TCF7L2: variants seen among roughly 807,000 people sequenced by gnomAD.
TCF7L2 encodes the protein transcription factor 7-like 2.
Under a neutral mutation model 77.9 loss-of-function variants are expected in TCF7L2, and 23 were observed. The observed-to-expected ratio is 0.30, with a 90% CI of 0.21 to 0.42. The LOEUF is 0.42. TCF7L2 is among the 10% of genes least tolerant of loss of function. The pLI is 1.00. For missense variants in TCF7L2, 654 were observed against 793.1 expected, an observed-to-expected ratio of 0.82 and a Z score of 2.11; for synonymous variants, 413 against 340.2, an observed-to-expected ratio of 1.21 and a Z score of -2.36.
intron 5 of TCF7L2, among the ~76,000 whole-genome samples, chr10:113,103,062 A>C (rs1408688436): frequency 6.6e-6 from 1 of 152,192 alleles, no homozygotes; most frequent in Admixed American, 6.5e-5. Context: ...CTCATTTTAT[A>C]GAGAGGAAAC....
chr10:113,090,385 C>G (rs1356106616), intron 5 of TCF7L2, among the ~76,000 whole-genome samples: 2 of 152,158 alleles, frequency 1.3e-5, no homozygotes, highest in Non-Finnish European at 2.9e-5. Flanking sequence ...GGGTGCTGTG[C>G]TATGTGTTAC....
chr10:113,038,670 C>T (rs2051832747), intron 4 of TCF7L2, among the ~76,000 whole-genome samples: 2 of 152,088 alleles, frequency 1.3e-5, no homozygotes, highest in Admixed American at 6.5e-5. Flanking sequence ...TCTGTGCAGC[C>T]TTCCCCAGTC....
chr10:113,102,416 GTTGT>G (rs932893018), intron 5 of TCF7L2, among the ~76,000 whole-genome samples: 8 of 149,432 alleles, frequency 5.4e-5, no homozygotes, highest in Admixed American at 1.3e-4. Flanking sequence ...TTTTGTTGTT[GTTGT>G]TTGTTTGTTT....
chr10:113,093,179 G>A (rs1036352751), intron 5 of TCF7L2, among the ~76,000 whole-genome samples: 2 of 152,214 alleles, frequency 1.3e-5, no homozygotes, highest in Admixed American at 1.3e-4. Context: ...ACGAACTACT[G>A]TAACTACCTC....
intron 4 of TCF7L2, among the ~76,000 whole-genome samples, chr10:112,969,723 T>G (rs12255678): frequency 0.18 from 27,143 of 152,218 alleles, 3,048 homozygotes; most frequent in Middle Eastern, 0.31. Context: ...GATTTGGCCT[T>G]TGGCCCCAGC....
intron 4 of TCF7L2, among the ~76,000 whole-genome samples, chr10:112,969,443 A>G (rs961323826): frequency 2.0e-5 from 3 of 152,222 alleles, no homozygotes; most frequent in Admixed American, 1.3e-4. Flanking sequence ...AAGTTCTAGT[A>G]ACATTCTCCC....
At chr10:113,060,815 C>T (rs186314073) in intron 5 of TCF7L2, among the ~76,000 whole-genome samples, 2 of 152,194 alleles carry the variant, frequency 1.3e-5, no homozygotes. Context: ...GAAGACGCCG[C>T]CCAGAATGGC....
At chr10:112,981,951 G>A (rs114269342) in intron 4 of TCF7L2, among the ~76,000 whole-genome samples, 1,888 of 152,324 alleles carry the variant, frequency 0.012, 37 homozygotes, top group African/African-American at 0.042. Flanking sequence ...TGTGGCTTCA[G>A]AATTATTGCT....
At chr10:112,970,884 G>A (rs1048507864) in intron 4 of TCF7L2, among the ~76,000 whole-genome samples, 2 of 152,178 alleles carry the variant, frequency 1.3e-5, no homozygotes, top group African/African-American at 2.4e-5. Context: ...CTTTAGAGCT[G>A]TAGCAGACTT....
At position 113,151,110 on chromosome 10, in the gene TCF7L2, T is replaced by C. The variant is rs2137127966; in HGVS notation, c.988T>C (p.Ser330Pro). The C allele has an allele frequency of 6.2e-7, 1 of 1,614,158 alleles. No individual in the cohort carries two copies. The highest frequency in any genetic ancestry group is 8.5e-7 in the Non-Finnish European group (1 of 1,180,026). The change falls in exon 9 of 14, where the codon TCA becomes CCA. Residue 330 changes from serine to proline, a missense_variant. Physicochemically the swap from Ser to Pro is moderately conservative, Grantham distance 74 (BLOSUM62 -1). Coordinates refer to ENST00000627217, the MANE Select transcript of TCF7L2 (RefSeq NM_001146274.2). The surrounding 1 kb of genome is among the most constrained non-coding windows in gnomAD (Gnocchi z 5.2). ...GGAATCGTCCCAGAGTGATGTCGGCTCACTCCATAGTTCGTAAGTGTTGCT... is the reference window on the plus strand; with the variant it reads ...GGAATCGTCCCAGAGTGATGTCGGCCCACTCCATAGTTCGTAAGTGTTGCT...
intron 5 of TCF7L2, among the ~76,000 whole-genome samples, chr10:113,053,915 GAAGT>G (rs1256887476): frequency 6.6e-6 from 1 of 152,226 alleles, no homozygotes; most frequent in Non-Finnish European, 1.5e-5. Context: ...CGGCAAGCTG[GAAGT>G]TGAACCCAAG....
In TCF7L2 at chr10:113,146,037, C is replaced by T. The variant is rs1414161688; in HGVS notation, c.815C>T (p.Thr272Met). ...CAAGGTCAACCAGTGTACCCAATCACGACAGGAGGATTCAGACACCCCTAC... is the reference window on the plus strand; with the variant it reads ...CAAGGTCAACCAGTGTACCCAATCATGACAGGAGGATTCAGACACCCCTAC... The change falls in exon 8 of 14, where the codon ACG becomes ATG. Residue 272 changes from threonine to methionine, a missense_variant. By Grantham distance (81) the Thr-to-Met change is moderately conservative. Coordinates refer to ENST00000627217, the MANE Select transcript of TCF7L2 (RefSeq NM_001146274.2). 2 of 1,534,212 alleles carry T rather than the reference C, an allele frequency of 1.3e-6. No individual in the cohort carries two copies. The highest frequency in any genetic ancestry group is 1.8e-5 in the Admixed American group (1 of 57,114).
chr10:113,048,407 C>G (rs972656501), intron 5 of TCF7L2, among the ~76,000 whole-genome samples: 1 of 152,124 alleles, frequency 6.6e-6, no homozygotes, highest in Admixed American at 6.5e-5. Flanking sequence ...TCACATGTGG[C>G]TCTCTCTCCT....
chr10:113,028,151 A>G (rs1353456595), intron 4 of TCF7L2, among the ~76,000 whole-genome samples: 2 of 152,188 alleles, frequency 1.3e-5, no homozygotes, highest in African/African-American at 4.8e-5. Flanking sequence ...AGGATTACCA[A>G]CAGGGGGAAC....
At chr10:113,033,252 CT>C (rs1225639049) in intron 4 of TCF7L2, among the ~76,000 whole-genome samples, 2 of 146,398 alleles carry the variant, frequency 1.4e-5, no homozygotes, top group Non-Finnish European at 3.0e-5. Flanking sequence ...GTTTCCTTTT[CT>C]TTTCTATTCT....
intron 5 of TCF7L2, among the ~76,000 whole-genome samples, chr10:113,101,814 G>A (rs2135906881): frequency 8.2e-6 from 1 of 121,920 alleles, no homozygotes; most frequent in Admixed American, 1.1e-4. Context: ...CTGCACTCCA[G>A]CCTGGGCGAC....
intron 11 of TCF7L2, among the ~76,000 whole-genome samples, chr10:113,153,713 T>C (rs1341012422): frequency 6.6e-6 from 1 of 152,210 alleles, no homozygotes; most frequent in Admixed American, 6.5e-5. Context: ...TGCTGGGAAA[T>C]GTGCAGTTAC....
At chr10:113,136,978 C>T (rs1248575151) in intron 5 of TCF7L2, among the ~76,000 whole-genome samples, 1 of 151,342 alleles carries the variant, frequency 6.6e-6, no homozygotes, top group East Asian at 1.9e-4. Context: ...TACTTAAAGG[C>T]CCTTGCCCTG....
chr10:113,013,811 A>G (rs1255364410), intron 4 of TCF7L2, among the ~76,000 whole-genome samples: 2 of 152,194 alleles, frequency 1.3e-5, no homozygotes, highest in Non-Finnish European at 2.9e-5. Flanking sequence ...AGTCAGGGAC[A>G]TGTATTGAGA....
Sources: allele counts gnomAD v4.1 joint callset (sites outside exome capture counted in the v4.1 genomes callset), GRCh38; gene constraint gnomAD v4.1.1; non-coding constraint Gnocchi (gnomAD v3.1); transcripts MANE v1.5; gene names NCBI Gene and HGNC (gene_info 2026-07-23, HGNC 2026-07-21).